The following RABGAP1 variants were observed in gnomAD, a reference collection of about 807,000 sequenced individuals.
RABGAP1 encodes the protein rab GTPase-activating protein 1.
In RABGAP1, 23 loss-of-function variants were observed where a neutral mutation model predicts 137.6. The observed-to-expected ratio is 0.17, with a 90% CI of 0.12 to 0.24. The LOEUF (loss-of-function observed/expected upper bound fraction) is 0.24, where lower values mean the gene tolerates loss of function less well. Among genes scored for constraint, RABGAP1 ranks in the 10% least tolerant of loss-of-function variants. The probability of loss-of-function intolerance (pLI) is 1.00; values close to 1 mark genes in which losing one functional copy is unlikely to be tolerated. For missense variants in RABGAP1, 906 were observed against 1,275.8 expected, an observed-to-expected ratio of 0.71 and a Z score of 4.42; for synonymous variants, 451 against 450.7, an observed-to-expected ratio of 1.00 and a Z score of -0.01.
At position 123,065,387 on chromosome 9, in the gene RABGAP1, C is replaced by A. The variant is rs191848207; in HGVS notation, c.1834C>A (p.Arg612=). ...QDSAITRDIN[R]TFPAHDYFKD... ...CAGTGCTATCACCCGGGATATTAAC[C>A]GAACATTCCCAGCCCATGACTACTT... Residue 612 remains arginine, a synonymous_variant, in exon 14 of 26, where the codon CGA becomes AGA. Coordinates refer to ENST00000373647, the MANE Select transcript of RABGAP1 (RefSeq NM_012197.4). 6.2e-7 allele frequency: 1 copy of A among 1,613,130 alleles called. No individual in the cohort carries two copies. Among genetic ancestry groups the A allele is most frequent in the East Asian group, 2.2e-5 (1 of 44,848 alleles).
At chr9:123,006,908 A>G (rs985898760) in intron 10 of RABGAP1, among the ~76,000 whole-genome samples, 1 of 151,784 alleles carries the variant, frequency 6.6e-6, no homozygotes, top group Non-Finnish European at 1.5e-5. Context: ...TGCACCTGAC[A>G]ATGTGTAGAC....
chr9:122,962,357 A>C (rs934760899), intron 2 of RABGAP1, among the ~76,000 whole-genome samples: 1 of 151,746 alleles, frequency 6.6e-6, no homozygotes, highest in South Asian at 2.1e-4. Context: ...AAAAACAAAC[A>C]AACCCCCACA....
Position 122,989,390 on chromosome 9 carries a change from T to G in RABGAP1, c.684T>G (p.Ser228Arg), listed in dbSNP as rs1564382444. 2 of 1,613,980 alleles carry G rather than the reference T, an allele frequency of 1.2e-6. No individual in the cohort carries two copies. Among genetic ancestry groups the G allele is most frequent in the Non-Finnish European group, 1.7e-6 (2 of 1,179,970 alleles). The change falls in exon 5 of 26, where the codon AGT (serine) becomes AGG (arginine). Residue 228 changes from serine to arginine, a missense_variant. Physicochemically the swap from Ser to Arg is moderately radical, Grantham distance 110. Around this residue, in one of 9 missense-constraint regions of RABGAP1, gnomAD observed 331 missense variants for 358.3 expected, o/e 0.92. Transcript: ENST00000373647. ...CVRGHDGTPE[S>R]DCFAFTESHY... The stretch of plus-strand genomic sequence containing the variant: ...GAGGGCATGATGGAACTCCTGAGAG[T>G]GACTGTTTTGCTTTCACTGAAAGTC...
chr9:122,946,958 C>T (rs976683437), intron 1 of RABGAP1, among the ~76,000 whole-genome samples: 2 of 152,052 alleles, frequency 1.3e-5, no homozygotes, highest in Non-Finnish European at 2.9e-5. Flanking sequence ...ACATGGATAT[C>T]CCAAGTCTCT....
chr9:123,012,904 G>A (rs930533582), intron 11 of RABGAP1, among the ~76,000 whole-genome samples: 1 of 152,180 alleles, frequency 6.6e-6, no homozygotes, highest in Non-Finnish European at 1.5e-5. Flanking sequence ...TTCCTGCTGT[G>A]ATTGTTTGCT....
At chr9:123,091,551 G>A (rs1378100509) in intron 21 of RABGAP1, among the ~76,000 whole-genome samples, 3 of 152,078 alleles carry the variant, frequency 2.0e-5, no homozygotes, top group Non-Finnish European at 1.5e-5. Flanking sequence ...TGGACACCTT[G>A]TAAAATGAGG....
the RABGAP1 span, among the ~76,000 whole-genome samples, chr9:122,934,171 G>A: frequency 0.01 from 1,504 of 150,072 alleles, 31 homozygotes; most frequent in African/African-American, 0.035. Context: ...TCCGCCTCCC[G>A]GGTTCACGCC....
intron 17 of RABGAP1, 135 bp from the exon 18 acceptor site, chr9:123,076,110 C>G (rs1161715107): frequency 4.5e-6 from 4 of 888,072 alleles, no homozygotes; most frequent in Admixed American, 3.4e-5. Context: ...TTTTATTTTT[C>G]AAGGTAGTTC....
chr9:123,035,594 C>G (rs753289961), intron 13 of RABGAP1: 2 of 1,594,544 alleles, frequency 1.3e-6, no homozygotes, highest in East Asian at 2.2e-5. Context: ...AGCAAAGGCC[C>G]TCTTAATGGA....
At chr9:122,969,680 A>G (rs1272263654) in intron 2 of RABGAP1, among the ~76,000 whole-genome samples, 3 of 152,142 alleles carry the variant, frequency 2.0e-5, no homozygotes, top group East Asian at 1.9e-4. Flanking sequence ...CATCTTATCT[A>G]TCTTCCTAAC....
chr9:123,056,901 C>T (rs1035357902), intron 13 of RABGAP1, among the ~76,000 whole-genome samples: 33 of 152,218 alleles, frequency 2.2e-4, no homozygotes, highest in Admixed American at 3.3e-4. Flanking sequence ...AGCAACCATC[C>T]GATTTCTCAA....
chr9:123,100,787 T>C (rs1254436051), intron 24 of RABGAP1, among the ~76,000 whole-genome samples: 1 of 152,218 alleles, frequency 6.6e-6, no homozygotes, highest in African/African-American at 2.4e-5. Flanking sequence ...GCAGAAAATT[T>C]GGAAAAGAAG....
chr9:123,043,247 G>C (rs2033038926), intron 13 of RABGAP1, among the ~76,000 whole-genome samples: 1 of 152,144 alleles, frequency 6.6e-6, no homozygotes, highest in Non-Finnish European at 1.5e-5. Context: ...TGACACAGGA[G>C]GATGGTGAAA....
chr9:122,993,573 A>G (rs1241304693), intron 6 of RABGAP1, among the ~76,000 whole-genome samples: 4 of 151,906 alleles, frequency 2.6e-5, no homozygotes, highest in African/African-American at 4.8e-5. Flanking sequence ...TGCCTGGCCA[A>G]TTTTTAAATT....
chr9:122,980,892 A>T (rs1326380156), intron 2 of RABGAP1, among the ~76,000 whole-genome samples: 1 of 152,200 alleles, frequency 6.6e-6, no homozygotes, highest in Non-Finnish European at 1.5e-5. Flanking sequence ...CATTTTCAGA[A>T]AGTACCAGAG....
intron 19 of RABGAP1, among the ~76,000 whole-genome samples, chr9:123,077,462 A>G (rs74897706): frequency 0.041 from 6,220 of 152,180 alleles, 171 homozygotes; most frequent in Middle Eastern, 0.1. Flanking sequence ...TTAACTTTCA[A>G]CATTTGTTCT....
At chr9:123,053,683 C>G (rs1210724499) in intron 13 of RABGAP1, among the ~76,000 whole-genome samples, 1 of 152,116 alleles carries the variant, frequency 6.6e-6, no homozygotes, top group Non-Finnish European at 1.5e-5. Flanking sequence ...TTAACTGTTA[C>G]ATGATGGCAT....
intron 16 of RABGAP1, among the ~76,000 whole-genome samples, chr9:123,073,882 G>A (rs576839193): frequency 4.6e-5 from 7 of 152,298 alleles, no homozygotes; most frequent in Admixed American, 1.3e-4. Context: ...GATGTGAGCT[G>A]ATAAACTCCC....
chr9:123,077,724 G>T (rs1209143249), intron 19 of RABGAP1, among the ~76,000 whole-genome samples: 1 of 149,672 alleles, frequency 6.7e-6, no homozygotes, highest in Non-Finnish European at 1.5e-5. Flanking sequence ...TTGAGACAGG[G>T]TCTCACTCTT....
Sources: gnomAD v4.1 joint callset for allele counts (sites outside exome capture counted in the v4.1 genomes callset) on GRCh38, gnomAD v4.1.1 for gene constraint, gnomAD v4.1.1 regional missense constraint, MANE v1.5 for transcripts, NCBI Gene and HGNC (gene_info 2026-07-23, HGNC 2026-07-21) for gene names.